EBF4: variants seen among roughly 807,000 people sequenced by gnomAD.
The protein encoded by EBF4 is EBF transcription factor 4.
EBF4 carries 34 observed loss-of-function variants against 67.1 expected under a neutral mutation model. That is an observed-to-expected ratio of 0.51 (90% CI 0.39 to 0.67). The LOEUF (loss-of-function observed/expected upper bound fraction) is 0.67. Among genes scored for constraint, EBF4 ranks in the 30% least tolerant of loss-of-function variants. The probability of loss-of-function intolerance (pLI) is 0.00; values close to 1 mark genes in which losing one functional copy is unlikely to be tolerated. For missense variants in EBF4, 837 were observed against 873.3 expected (o/e 0.96, Z 0.52); for synonymous variants, 387 against 377.7 (o/e 1.02, Z -0.29).
At chr20:2,713,505 CAAGCG>C (rs2087570104) in intron 6 of EBF4, among the ~76,000 whole-genome samples, 1 of 152,132 alleles carries the variant, frequency 6.6e-6, no homozygotes, top group African/African-American at 2.4e-5. Context: ...ATGTGATTGA[CAAGCG>C]GCACTGAGGG....
intron 7 of EBF4, 142 bp downstream of exon 7, chr20:2,748,772 C>A (rs1377957936): frequency 4.2e-6 from 4 of 962,588 alleles, no homozygotes; most frequent in Admixed American, 2.7e-5. Flanking sequence ...GCCTCCCCAG[C>A]CTGGTTGGTG....
chr20:2,708,639 C>A (rs1220749554), intron 5 of EBF4, among the ~76,000 whole-genome samples: 1 of 152,124 alleles, frequency 6.6e-6, no homozygotes, highest in Non-Finnish European at 1.5e-5. Flanking sequence ...AAGGCTGAGG[C>A]ATGAGCGCAG....
chr20:2,716,169 C>T (rs2087606374), intron 6 of EBF4, among the ~76,000 whole-genome samples: 1 of 150,892 alleles, frequency 6.6e-6, no homozygotes, highest in Admixed American at 6.6e-5. Flanking sequence ...GTGCAGTGAG[C>T]CATAATCCCA....
At position 2,696,918 on chromosome 20, in the gene EBF4, G is replaced by A. The variant is rs907300119; in HGVS notation, c.137+3136G>A. Among the ~76,000 whole-genome samples the A allele has an allele frequency of 2.6e-5, 4 of 152,178 alleles. No homozygotes were observed. The highest frequency in any genetic ancestry group is 2.1e-4 in the South Asian group (1 of 4,836). Reference sequence around the variant, plus strand: ...GGCCTTCCCCTAAGGCAAGGGTAGCGGTCCGTTCATCCTTGTGTCCACAGC... The same window carrying A: ...GGCCTTCCCCTAAGGCAAGGGTAGCAGTCCGTTCATCCTTGTGTCCACAGC... On this transcript the variant is annotated intron_variant, in intron 1 of 16. Transcript: ENST00000609451. The surrounding 1 kb of genome is among the most constrained non-coding windows in gnomAD (Gnocchi z 4.7).
rs564105606 is a variant in EBF4 at position 2,753,514 on chromosome 20, C to A, written c.1540+969C>A. On this transcript the variant is annotated intron_variant, in intron 14 of 16. Transcript: ENST00000609451. ...ATGCAAAGCCCAGGGCTTGGGGGAT[C>A]CCCCCACTCCTGTCACCTGCAAGAA... Among the ~76,000 whole-genome samples, 20 of 152,346 alleles carry A rather than the reference C, an allele frequency of 1.3e-4. No individual in the cohort carries two copies. The East Asian group carries it at 3.7e-3, about 28-fold the overall frequency.
exon 10 of EBF4, chr20:2,749,901 G>T: frequency 6.4e-7 from 1 of 1,551,618 alleles, no homozygotes; most frequent in African/African-American, 1.4e-5. Flanking sequence ...CATCCCCGGG[G>T]TGGTGGAGGT....
chr20:2,750,235 C>G (rs971213372), intron 10 of EBF4, among the ~76,000 whole-genome samples: 1 of 152,140 alleles, frequency 6.6e-6, no homozygotes, highest in Non-Finnish European at 1.5e-5. Flanking sequence ...CCACAACCAA[C>G]ATTCTTACTC....
At chr20:2,715,228 G>A (rs2087592671) in intron 6 of EBF4, among the ~76,000 whole-genome samples, 1 of 151,914 alleles carries the variant, frequency 6.6e-6, no homozygotes, top group African/African-American at 2.4e-5. Context: ...AAAGTGTGTT[G>A]GTGTAGTTTA....
chr20:2,753,407 T>G (rs1209866431), intron 14 of EBF4, among the ~76,000 whole-genome samples: 1 of 152,228 alleles, frequency 6.6e-6, no homozygotes, highest in African/African-American at 2.4e-5. Flanking sequence ...TCAAGACTCT[T>G]CCATCATCAA....
chr20:2,704,347 G>A (rs1180161682), intron 1 of EBF4, among the ~76,000 whole-genome samples: 2 of 152,116 alleles, frequency 1.3e-5, no homozygotes, highest in East Asian at 3.9e-4. Context: ...TTTTCTAAAG[G>A]GAGGCTCTGG....
chr20:2,739,307 C>T lies in EBF4; in HGVS notation c.558-9242C>T, dbSNP rs941913892. Among the ~76,000 whole-genome samples, 15 of 151,944 alleles carry T rather than the reference C, an allele frequency of 9.9e-5. No individual in the cohort carries two copies. Among genetic ancestry groups the T allele is most frequent in the Non-Finnish European group, 1.9e-4 (13 of 67,998 alleles). On this transcript the variant is annotated intron_variant, in intron 6 of 16. Transcript: ENST00000609451. The surrounding 1 kb of genome is among the most constrained non-coding windows in gnomAD (Gnocchi z 4.5). ...GTCAGGCACCACTGATCGAGTGAGCCGTCTGCCCCGTGGTGGAGCTGTTAG... is the reference window on the plus strand; with the variant it reads ...GTCAGGCACCACTGATCGAGTGAGCTGTCTGCCCCGTGGTGGAGCTGTTAG...
Position 2,707,173 on chromosome 20 carries a change from C to T in EBF4, c.415-774C>T, listed in dbSNP as rs567300876. On this transcript the variant is annotated intron_variant, in intron 4 of 16. Transcript: ENST00000609451. The surrounding 1 kb of genome is among the most constrained non-coding windows in gnomAD (Gnocchi z 4.6). Reference sequence around the variant, plus strand: ...GAAGAATGGTTTGTTTCTAGAATACCCATGGCCACTGGGCTGGGGGAGGCA... The same window carrying T: ...GAAGAATGGTTTGTTTCTAGAATACTCATGGCCACTGGGCTGGGGGAGGCA... Among the ~76,000 whole-genome samples, 1 of 152,232 alleles carries T rather than the reference C, an allele frequency of 6.6e-6. No individual in the cohort carries two copies. Among genetic ancestry groups the T allele is most frequent in the East Asian group, 1.9e-4 (1 of 5,188 alleles).
chr20:2,700,793 A>T (rs2087363554), intron 1 of EBF4, among the ~76,000 whole-genome samples: 1 of 151,954 alleles, frequency 6.6e-6, no homozygotes, highest in South Asian at 2.1e-4. Context: ...CCATTCTACA[A>T]GTGTTGATTG....
chr20:2,713,692 G>A lies in EBF4; in HGVS notation c.557+4050G>A, dbSNP rs6051327. 2.9e-3 allele frequency among the ~76,000 whole-genome samples: 449 copies of A among 152,288 alleles called. 9 individuals carry two copies. The highest frequency in any genetic ancestry group is 0.01 in the African/African-American group (433 of 41,556). ...AAGAGACTGAAATGTATGTGCAAGG[G>A]ATATTTATTTTTTAAAAATGGAAGG... On this transcript the variant is annotated intron_variant, in intron 6 of 16. Transcript: ENST00000609451.
At chr20:2,754,387 C>T (rs2088204762) in intron 14 of EBF4, among the ~76,000 whole-genome samples, 1 of 152,208 alleles carries the variant, frequency 6.6e-6, no homozygotes, top group Non-Finnish European at 1.5e-5. Context: ...CAACTCCCCA[C>T]ACTACCTACC....
intron 6 of EBF4, among the ~76,000 whole-genome samples, chr20:2,741,418 G>A (rs2087966896): frequency 6.6e-6 from 1 of 152,172 alleles, no homozygotes; most frequent in Non-Finnish European, 1.5e-5. Flanking sequence ...TCTACTGAGT[G>A]TCTCTTTTGA....
At chr20:2,708,646 G>T (rs762820401) in intron 5 of EBF4, among the ~76,000 whole-genome samples, 3 of 152,178 alleles carry the variant, frequency 2.0e-5, no homozygotes, top group Non-Finnish European at 4.4e-5. Context: ...AGGCATGAGC[G>T]CAGGAGTTCA....
chr20:2,700,484 G>T (rs536835329), intron 1 of EBF4, among the ~76,000 whole-genome samples: 1 of 151,986 alleles, frequency 6.6e-6, no homozygotes, highest in South Asian at 2.1e-4. Flanking sequence ...ACTTTGGAGC[G>T]GCACCATGAG....
chr20:2,714,520 T>C (rs1600213859), intron 6 of EBF4, among the ~76,000 whole-genome samples: 1 of 152,238 alleles, frequency 6.6e-6, no homozygotes, highest in South Asian at 2.1e-4. Flanking sequence ...CCCAGCTAAC[T>C]TGTGTATTTT....
Sources: gnomAD v4.1 joint callset for allele counts (sites outside exome capture counted in the v4.1 genomes callset) on GRCh38, gnomAD v4.1.1 for gene constraint, Gnocchi (gnomAD v3.1) non-coding constraint, MANE v1.5 for transcripts, NCBI Gene and HGNC (gene_info 2026-07-23, HGNC 2026-07-21) for gene names.